The following LPAR3 variants were observed in gnomAD, a reference collection of about 807,000 sequenced individuals.
LPAR3 encodes lysophosphatidic acid receptor 3, also known as LPA receptor 3.
In LPAR3, 7 loss-of-function variants were observed where a neutral mutation model predicts 17.8. That is an observed-to-expected ratio of 0.39 (90% CI 0.22 to 0.74). The LOEUF is 0.74. Among genes scored for constraint, LPAR3 ranks in the 30% least tolerant of loss-of-function variants. The probability of loss-of-function intolerance (pLI) is 0.40; values close to 1 mark genes in which losing one functional copy is unlikely to be tolerated. For missense variants in LPAR3, 391 were observed against 453.4 expected, an observed-to-expected ratio of 0.86 and a Z score of 1.25; for synonymous variants, 179 against 179.9, an observed-to-expected ratio of 0.99 and a Z score of 0.04.
At chr1:84,880,858 C>T (rs193215848) in intron 1 of LPAR3, among the ~76,000 whole-genome samples, 24 of 152,310 alleles carry the variant, frequency 1.6e-4, no homozygotes, top group African/African-American at 5.3e-4. Context: ...TCCCAGGGGA[C>T]AAAGACAAAG....
At chr1:84,877,116 G>A (rs765358845) in intron 1 of LPAR3, among the ~76,000 whole-genome samples, 3 of 152,150 alleles carry the variant, frequency 2.0e-5, no homozygotes, top group Non-Finnish European at 2.9e-5. Flanking sequence ...TTAATTCTAA[G>A]GATTAGCCAC....
intron 2 of LPAR3, among the ~76,000 whole-genome samples, chr1:84,825,969 C>T (rs114968260): frequency 0.023 from 3,536 of 152,180 alleles, 69 homozygotes; most frequent in Admixed American, 0.038. Flanking sequence ...GATGTGAAAA[C>T]CAGTATAAAA....
intron 2 of LPAR3, among the ~76,000 whole-genome samples, chr1:84,855,364 A>C (rs1202368486): frequency 6.6e-6 from 1 of 152,202 alleles, no homozygotes; most frequent in Admixed American, 6.5e-5. Flanking sequence ...CTCCTTTGGC[A>C]GAAATCAAAG....
At chr1:84,867,562 T>G (rs1660075992) in intron 1 of LPAR3, among the ~76,000 whole-genome samples, 1 of 152,122 alleles carries the variant, frequency 6.6e-6, no homozygotes, top group South Asian at 2.1e-4. Context: ...AATTTATATT[T>G]TAATGGTATA....
intron 1 of LPAR3, among the ~76,000 whole-genome samples, chr1:84,880,191 G>A (rs551368027): frequency 8.5e-5 from 13 of 152,272 alleles, no homozygotes; most frequent in African/African-American, 2.4e-4. Flanking sequence ...TTAGCTGGGC[G>A]TGGTGGCACA....
intron 2 of LPAR3, among the ~76,000 whole-genome samples, chr1:84,826,946 G>T (rs754092908): frequency 2.6e-5 from 4 of 152,070 alleles, no homozygotes; most frequent in Admixed American, 6.6e-5. Context: ...GATTTCTACG[G>T]CAAGAAACAC....
chr1:84,829,776 G>A (rs1557591959), intron 2 of LPAR3, among the ~76,000 whole-genome samples: 2 of 152,160 alleles, frequency 1.3e-5, no homozygotes. Flanking sequence ...AAGTTTGACA[G>A]AAGGAATATG....
In LPAR3 at chr1:84,813,815, A is replaced by G; in HGVS notation, c.*31T>C. The stretch of plus-strand genomic sequence containing the variant: ...TTCTTAACAGCTCTTTTCCCAGAGG[A>G]GGCCTGGGTGGGCCGAGAGGCATCC... On this transcript the variant is annotated 3_prime_UTR_variant, in exon 3 of 3. Transcript: ENST00000370611. The G allele has an allele frequency of 1.3e-6, 2 of 1,558,142 alleles. No individual in the cohort carries two copies. The highest frequency in any genetic ancestry group is 8.8e-7 in the Non-Finnish European group (1 of 1,134,606).
rs144161267 is a variant in LPAR3, at chr1:84,872,661, A to G, written c.-18-6523T>C. 1.5e-3 allele frequency among the ~76,000 whole-genome samples: 233 copies of G among 152,342 alleles called. 1 individual carries two copies. Among genetic ancestry groups the G allele is most frequent in the East Asian group, 0.014 (75 of 5,194 alleles). On this transcript the variant is annotated intron_variant, in intron 1 of 2. Coordinates refer to ENST00000370611, the MANE Select transcript of LPAR3 (RefSeq NM_012152.3). ...ATGAGACAAATCTCCCAGGCAGAAG[A>G]ATACCAAATAAATAACATAGATATT... is the stretch of plus-strand genomic sequence containing the variant.
intron 1 of LPAR3, among the ~76,000 whole-genome samples, chr1:84,869,841 C>T (rs759640081): frequency 7.9e-5 from 12 of 152,196 alleles, no homozygotes; most frequent in East Asian, 1.9e-4. Flanking sequence ...TTTATTCTTA[C>T]AAGCACAGCA....
intron 1 of LPAR3, among the ~76,000 whole-genome samples, chr1:84,873,911 C>A (rs1286521638): frequency 1.3e-5 from 2 of 152,104 alleles, no homozygotes; most frequent in African/African-American, 4.8e-5. Context: ...CGCCACCATG[C>A]TCAGCTAATT....
intron 2 of LPAR3, among the ~76,000 whole-genome samples, chr1:84,829,464 A>G (rs1484268265): frequency 6.6e-6 from 1 of 152,036 alleles, no homozygotes; most frequent in Non-Finnish European, 1.5e-5. Flanking sequence ...CTGCCAATCC[A>G]AAAGTTTGAT....
At chr1:84,863,292 CCTTT>C (rs1428194873) in intron 2 of LPAR3, among the ~76,000 whole-genome samples, 2 of 152,068 alleles carry the variant, frequency 1.3e-5, no homozygotes, top group Non-Finnish European at 2.9e-5. Context: ...CCAGGCTCTT[CCTTT>C]CTTTCTCAAT....
intron 2 of LPAR3, among the ~76,000 whole-genome samples, chr1:84,852,603 A>G (rs1216316562): frequency 1.3e-5 from 2 of 152,154 alleles, no homozygotes; most frequent in East Asian, 3.9e-4. Context: ...GATCTCCTGA[A>G]AGGCTGAGGA....
intron 1 of LPAR3, among the ~76,000 whole-genome samples, chr1:84,885,211 G>A (rs529268797): frequency 4.6e-5 from 7 of 152,310 alleles, no homozygotes; most frequent in Admixed American, 3.9e-4. Context: ...CCACAACAGA[G>A]AAGTATCCGG....
Position 84,865,466 on chromosome 1 carries a change from C to T in LPAR3, c.655G>A (p.Val219Ile), listed in dbSNP as rs757252296. The stretch of plus-strand genomic sequence containing the variant: ...GACCCACTTGTATGCGGAGACAAGA[C>T]GTTGGTTTTCCTCTTGACGTACACG... The part of the protein sequence containing the change: ...IYVYVKRKTN[V>I]LSPHTSGSIS... Residue 219 changes from valine to isoleucine, a missense_variant, in exon 2 of 3, where the codon GTC (valine) becomes ATC (isoleucine). Transcript: ENST00000370611. 4.1e-5 allele frequency: 66 copies of T among 1,614,020 alleles called. 1 individual carries two copies. In the South Asian group the frequency reaches 4.2e-4, roughly 10 times the overall value.
intron 1 of LPAR3, among the ~76,000 whole-genome samples, chr1:84,891,954 C>A (rs1660559958): frequency 6.6e-6 from 1 of 152,084 alleles, no homozygotes. Flanking sequence ...TGGCTCACAC[C>A]TGTAATCCCA....
chr1:84,826,835 T>C (rs1191798380), intron 2 of LPAR3, among the ~76,000 whole-genome samples: 2 of 152,222 alleles, frequency 1.3e-5, no homozygotes, highest in Non-Finnish European at 2.9e-5. Flanking sequence ...TTTATTGTTC[T>C]CTTAATTTTT....
chr1:84,889,482 G>A (rs927660618), intron 1 of LPAR3, among the ~76,000 whole-genome samples: 2 of 152,190 alleles, frequency 1.3e-5, no homozygotes, highest in Admixed American at 6.5e-5. Context: ...ACTAAGAACT[G>A]AGATGCGCAG....
Sources: allele counts gnomAD v4.1 joint callset (sites outside exome capture counted in the v4.1 genomes callset), GRCh38; gene constraint gnomAD v4.1.1; transcripts MANE v1.5; gene names NCBI Gene and HGNC (gene_info 2026-07-23, HGNC 2026-07-21).